The following FOXJ3 variants were observed in gnomAD, a reference collection of about 807,000 sequenced individuals.
The protein encoded by FOXJ3 is forkhead box J3.
In FOXJ3, 22 loss-of-function variants were observed where a neutral mutation model predicts 76.1. That is an observed-to-expected ratio of 0.29 (90% CI 0.21 to 0.41). The LOEUF is 0.41. Ranked by LOEUF, FOXJ3 falls within the 10% of genes least tolerant of loss-of-function variation. The pLI is 1.00. For synonymous variants in FOXJ3, 269 were observed against 261.2 expected (o/e 1.03, Z -0.29); for missense variants, 613 against 762.1 (o/e 0.80, Z 2.30).
intron 10 of FOXJ3, 113 bp from the exon 11 acceptor site, chr1:42,189,041 T>C (rs1017032561): frequency 6.0e-6 from 4 of 663,890 alleles, no homozygotes; most frequent in Non-Finnish European, 1.0e-5. Flanking sequence ...CTCCACTTTA[T>C]GGTAGTGATT....
intron 3 of FOXJ3, among the ~76,000 whole-genome samples, chr1:42,269,682 C>CT (rs1169913636): frequency 7.9e-5 from 12 of 152,270 alleles, no homozygotes; most frequent in Non-Finnish European, 1.6e-4. Context: ...TCAGTTTTCC[C>CT]TTCTCAGTTT....
chr1:42,267,494 G>C (rs576595584), intron 3 of FOXJ3, among the ~76,000 whole-genome samples: 14 of 152,200 alleles, frequency 9.2e-5, no homozygotes, highest in African/African-American at 3.4e-4. Flanking sequence ...AAAGATGCTT[G>C]TCCATTCACA....
chr1:42,226,088 T>C (rs1647535860), intron 5 of FOXJ3, among the ~76,000 whole-genome samples: 1 of 152,224 alleles, frequency 6.6e-6, no homozygotes, highest in Non-Finnish European at 1.5e-5. Flanking sequence ...TTTTTTAAAA[T>C]GTGAATTTTT....
rs545400867 is a variant in FOXJ3 at position 42,177,368 on chromosome 1, A to G, written c.*2342T>C. 3.7e-4 allele frequency: 56 copies of G among 152,618 alleles called. No homozygotes were observed. The highest frequency in any genetic ancestry group is 6.8e-4 in the Non-Finnish European group (46 of 68,042). 9.5% of individuals were successfully genotyped at this position (152,618 alleles called of 1,614,324 possible). A position where few individuals can be genotyped will look rare whatever the true frequency, so the allele number is the denominator to read the frequency against. On this transcript the variant is annotated 3_prime_UTR_variant, in exon 13 of 13. Coordinates refer to ENST00000361346, the MANE Select transcript of FOXJ3 (RefSeq NM_014947.5). ...CATCATCAGTGGTTCTACTCAAATC[A>G]CTCAGTATGAGACTGCATTCCAATA...
chr1:42,327,856 T>G (rs914442045), intron 1 of FOXJ3, among the ~76,000 whole-genome samples: 1 of 152,242 alleles, frequency 6.6e-6, no homozygotes, highest in African/African-American at 2.4e-5. Context: ...TGTTTTATAC[T>G]CCAGGTGAAA....
chr1:42,181,760 T>C (rs1290150668), intron 12 of FOXJ3, among the ~76,000 whole-genome samples, 157 bp downstream of exon 12: 2 of 152,030 alleles, frequency 1.3e-5, no homozygotes, highest in African/African-American at 4.8e-5. Flanking sequence ...AAACTCTGGG[T>C]AACAACTGAC....
intron 4 of FOXJ3, among the ~76,000 whole-genome samples, chr1:42,237,596 T>G (rs139246045): frequency 6.6e-6 from 1 of 151,546 alleles, no homozygotes; most frequent in Admixed American, 6.6e-5. Flanking sequence ...GTTTTCATAA[T>G]GGAACCTTGT....
intron 2 of FOXJ3, among the ~76,000 whole-genome samples, chr1:42,310,387 G>A (rs920736662): frequency 2.6e-5 from 4 of 151,016 alleles, no homozygotes; most frequent in African/African-American, 7.3e-5. Flanking sequence ...CTCGTGATCC[G>A]CCCGCCTTGG....
rs769270965 is a variant in FOXJ3 at position 42,198,468 on chromosome 1, G to A, written c.759+634C>T. On this transcript the variant is annotated intron_variant, in intron 7 of 12. Coordinates refer to ENST00000361346, the MANE Select transcript of FOXJ3 (RefSeq NM_014947.5). ...AATTTACACTGACAAACAATGTGGT[G>A]TGTAGCTCTTGGGCTCTATTATCTG... 3.3e-5 allele frequency among the ~76,000 whole-genome samples: 5 copies of A among 152,162 alleles called. No homozygotes were observed. In the South Asian group the frequency reaches 8.3e-4, roughly 25 times the overall value.
intron 3 of FOXJ3, among the ~76,000 whole-genome samples, chr1:42,268,725 T>A (rs1274691126): frequency 6.6e-6 from 1 of 152,168 alleles, no homozygotes; most frequent in Middle Eastern, 3.2e-3. Flanking sequence ...TTTAATACTA[T>A]TTGAAGGTAA....
chr1:42,181,899 T>A lies in FOXJ3; in HGVS notation c.1753+18A>T, dbSNP rs112546829. ...CACACACACACACACACACACTCAC[T>A]CTCTCTCTCTCTCTTACCTGCCATC... On this transcript the variant is annotated intron_variant, in intron 12 of 12. Transcript: ENST00000361346. The A allele has an allele frequency of 2.2e-4, 126 of 584,406 alleles. No individual in the cohort carries two copies. Among genetic ancestry groups the A allele is most frequent in the African/African-American group, 4.4e-4 (21 of 47,808 alleles). The allele number at this position is 584,406 out of a possible 1,614,324, so 36.2% of individuals were successfully genotyped here.
chr1:42,210,092 A>G (rs187722875), intron 5 of FOXJ3, among the ~76,000 whole-genome samples: 1 of 152,226 alleles, frequency 6.6e-6, no homozygotes, highest in Admixed American at 6.5e-5. Flanking sequence ...TGTGTTGCCA[A>G]GTCCGTGGGA....
chr1:42,228,613 TAA>T lies in FOXJ3; in HGVS notation c.445-649_445-648del, dbSNP rs535835229. Among the ~76,000 whole-genome samples the T allele has an allele frequency of 2.7e-3, 390 of 143,466 alleles. 3 individuals are homozygous for T. Among genetic ancestry groups the T allele is most frequent in the African/African-American group, 9.5e-3 (371 of 39,228 alleles). 94.1% of individuals were successfully genotyped at this position (143,466 alleles called of 152,430 possible). ...GAAAAGCATAGATCCATAGATAATA[TAA>T]GTTTGCAAATATTATACAAACAAGA... On this transcript the variant is annotated intron_variant, in intron 4 of 12. Coordinates refer to ENST00000361346, the MANE Select transcript of FOXJ3 (RefSeq NM_014947.5).
At chr1:42,211,442 T>G (rs960144266) in intron 5 of FOXJ3, among the ~76,000 whole-genome samples, 3 of 152,054 alleles carry the variant, frequency 2.0e-5, no homozygotes, top group African/African-American at 7.2e-5. Flanking sequence ...AAAGACAGCT[T>G]TGGTGGTTTC....
chr1:42,271,508 A>T (rs988595651), intron 3 of FOXJ3, among the ~76,000 whole-genome samples: 4 of 152,152 alleles, frequency 2.6e-5, no homozygotes, highest in African/African-American at 4.8e-5. Context: ...ATAATGTATA[A>T]TATTATTCCT....
intron 2 of FOXJ3, among the ~76,000 whole-genome samples, chr1:42,306,221 A>G (rs1410207417): frequency 6.6e-6 from 1 of 152,098 alleles, no homozygotes; most frequent in African/African-American, 2.4e-5. Flanking sequence ...CAAACTCAGG[A>G]AACAAAAAGA....
intron 4 of FOXJ3, among the ~76,000 whole-genome samples, chr1:42,237,925 CACACACACACACACATATATATAG>C (rs1418654186): frequency 6.6e-6 from 1 of 151,832 alleles, no homozygotes; most frequent in Non-Finnish European, 1.5e-5. Context: ...CACACACACA[CACACACACACACACATATATATAG>C]ACACACACAC....
intron 2 of FOXJ3, among the ~76,000 whole-genome samples, chr1:42,309,403 G>C (rs1654669731): frequency 6.6e-6 from 1 of 152,126 alleles, no homozygotes; most frequent in Admixed American, 6.5e-5. Flanking sequence ...CATACTTTAA[G>C]ATCTTCATTC....
At chr1:42,324,295 TTA>T (rs1480354284) in intron 1 of FOXJ3, among the ~76,000 whole-genome samples, 27 of 143,130 alleles carry the variant, frequency 1.9e-4, no homozygotes, top group African/African-American at 3.1e-4. Context: ...TACACATATA[TTA>T]TATATATACA....
Sources: allele counts gnomAD v4.1 joint callset (sites outside exome capture counted in the v4.1 genomes callset), GRCh38; gene constraint gnomAD v4.1.1; transcripts MANE v1.5; gene names NCBI Gene and HGNC (gene_info 2026-07-23, HGNC 2026-07-21).